The following POU2F1 variants were observed in gnomAD, a reference collection of about 807,000 sequenced individuals.
The protein encoded by POU2F1 is POU class 2 homeobox 1.
In POU2F1, 16 loss-of-function variants were observed where a neutral mutation model predicts 84.9. The ratio of observed to expected loss-of-function variants is 0.19; its 90% CI spans 0.13 to 0.29. The LOEUF is 0.29. Ranked by LOEUF, POU2F1 falls within the 10% of genes least tolerant of loss-of-function variation. The probability of loss-of-function intolerance (pLI) is 1.00; values close to 1 mark genes in which losing one functional copy is unlikely to be tolerated. For synonymous variants in POU2F1, 368 were observed against 368.3 expected (o/e 1.00, Z 0.01); for missense variants, 738 against 942.6 (o/e 0.78, Z 2.84).
chr1:167,338,487 T>C (rs1177200934), intron 2 of POU2F1, among the ~76,000 whole-genome samples: 2 of 152,226 alleles, frequency 1.3e-5, no homozygotes, highest in African/African-American at 2.4e-5. Flanking sequence ...AGGGTTCGAC[T>C]GTATGACCTT....
rs531336583 is a variant in POU2F1, at chr1:167,295,456, C to T, written c.62-37014C>T. Among the ~76,000 whole-genome samples the T allele has an allele frequency of 1.4e-4, 21 of 152,282 alleles. No homozygotes were observed. In the South Asian group the frequency reaches 3.9e-3, roughly 29 times the overall value. ...GAAAACCAAATACTATATGTTCTCA[C>T]TTATAAGTGGGAACTAAGCTATGAA... On this transcript the variant is annotated intron_variant, in intron 1 of 15. Coordinates refer to ENST00000367866, the MANE Select transcript of POU2F1 (RefSeq NM_002697.4).
At chr1:167,263,644 T>C (rs1278104293) in intron 1 of POU2F1, among the ~76,000 whole-genome samples, 1 of 152,232 alleles carries the variant, frequency 6.6e-6, no homozygotes, top group Non-Finnish European at 1.5e-5. Flanking sequence ...TGGTATATTT[T>C]ACTACTCAAA....
chr1:167,239,229 C>G (rs987570724), intron 1 of POU2F1, among the ~76,000 whole-genome samples: 1 of 152,008 alleles, frequency 6.6e-6, no homozygotes, highest in South Asian at 2.1e-4. Context: ...TGTCAACTGA[C>G]AGAAAAAGAA....
intron 7 of POU2F1, 22 bp from the exon 8 acceptor site, chr1:167,383,835 A>T: frequency 6.3e-7 from 1 of 1,585,198 alleles, no homozygotes; most frequent in East Asian, 2.2e-5. Context: ...ATGTTTCTGG[A>T]TAACATGTTT....
intron 1 of POU2F1, among the ~76,000 whole-genome samples, chr1:167,247,414 T>C (rs1650416987): frequency 6.6e-6 from 1 of 152,198 alleles, no homozygotes; most frequent in Non-Finnish European, 1.5e-5. Flanking sequence ...TTTGGATTTG[T>C]AAAGGATTCT....
chr1:167,415,414 G>A (rs1557972397), intron 15 of POU2F1, 86 bp from the exon 16 acceptor site: 1 of 1,431,898 alleles, frequency 7.0e-7, no homozygotes, highest in Non-Finnish European at 9.5e-7. Flanking sequence ...GTAGGAAAAT[G>A]ATAGACTTTT....
At chr1:167,376,892 A>G (rs1226362301) in intron 7 of POU2F1, among the ~76,000 whole-genome samples, 1 of 152,212 alleles carries the variant, frequency 6.6e-6, no homozygotes, top group Non-Finnish European at 1.5e-5. Flanking sequence ...AGGGCTCACA[A>G]TTTAGTGGCA....
chr1:167,410,171 A>C (rs2101939606), intron 13 of POU2F1, among the ~76,000 whole-genome samples: 1 of 152,340 alleles, frequency 6.6e-6, no homozygotes, highest in Non-Finnish European at 1.5e-5. Context: ...TATTTTTCAG[A>C]AGGGTAGACA....
intron 2 of POU2F1, among the ~76,000 whole-genome samples, chr1:167,340,170 C>T (rs1657737450): frequency 6.6e-6 from 1 of 151,892 alleles, no homozygotes; most frequent in Non-Finnish European, 1.5e-5. Flanking sequence ...ACCTCCACCT[C>T]CCGAGGTCAA....
intron 8 of POU2F1, chr1:167,387,103 G>A (rs1393419007): frequency 2.4e-5 from 11 of 453,962 alleles, no homozygotes; most frequent in South Asian, 1.4e-4. Context: ...CCTGGCCTCC[G>A]TTCTCTGCAT....
intron 8 of POU2F1, chr1:167,387,234 C>T: frequency 2.2e-6 from 1 of 455,968 alleles, no homozygotes; most frequent in East Asian, 6.9e-5. Context: ...TATCTGTAAC[C>T]ACCCCATCTA....
intron 2 of POU2F1, among the ~76,000 whole-genome samples, chr1:167,341,231 C>G (rs1657826612): frequency 6.6e-6 from 1 of 152,086 alleles, no homozygotes; most frequent in South Asian, 2.1e-4. Flanking sequence ...TCTTTGAAAA[C>G]TTACCATTGG....
chr1:167,347,386 C>T (rs1658270869), intron 2 of POU2F1, among the ~76,000 whole-genome samples: 1 of 152,104 alleles, frequency 6.6e-6, no homozygotes, highest in Admixed American at 6.5e-5. Context: ...TTTTCATGTG[C>T]ACTTCTAACA....
At chr1:167,337,705 A>C (rs924532283) in intron 2 of POU2F1, among the ~76,000 whole-genome samples, 8 of 152,024 alleles carry the variant, frequency 5.3e-5, no homozygotes, top group African/African-American at 1.9e-4. Context: ...AAAAAAAAAA[A>C]AGATAAGACA....
chr1:167,242,320 A>G (rs1461195434), intron 1 of POU2F1, among the ~76,000 whole-genome samples: 1 of 152,238 alleles, frequency 6.6e-6, no homozygotes, highest in African/African-American at 2.4e-5. Context: ...ATGAGCAGTG[A>G]TAGAAGAGAA....
chr1:167,290,352 G>A (rs1333879267), intron 1 of POU2F1, among the ~76,000 whole-genome samples: 5 of 152,152 alleles, frequency 3.3e-5, no homozygotes, highest in Admixed American at 1.3e-4. Context: ...GGCAGTGATC[G>A]TGCCATTGCA....
chr1:167,221,041 A>G, intron 1 of POU2F1, 83 bp downstream of exon 1: 1 of 1,202,502 alleles, frequency 8.3e-7, no homozygotes, highest in Non-Finnish European at 1.2e-6. Context: ...AGCATAATTT[A>G]TTAGTACTCA....
intron 1 of POU2F1, among the ~76,000 whole-genome samples, chr1:167,236,175 C>G (rs1649439727): frequency 6.7e-6 from 1 of 150,046 alleles, no homozygotes; most frequent in Non-Finnish European, 1.5e-5. Flanking sequence ...GTGATCTCGG[C>G]TCCCTGCAGC....
At chr1:167,364,785 C>T (rs113202962) in intron 2 of POU2F1, among the ~76,000 whole-genome samples, 5 of 151,798 alleles carry the variant, frequency 3.3e-5, no homozygotes, top group African/African-American at 1.2e-4. Flanking sequence ...CCCAAGCTGA[C>T]CTCGAACTCA....
Sources: gnomAD v4.1 joint callset for allele counts (sites outside exome capture counted in the v4.1 genomes callset) on GRCh38, gnomAD v4.1.1 for gene constraint, MANE v1.5 for transcripts, NCBI Gene and HGNC (gene_info 2026-07-23, HGNC 2026-07-21) for gene names.